Variants in CALU observed in about 807,000 individuals in gnomAD.
CALU encodes calumenin.
CALU carries 13 observed loss-of-function variants against 37.5 expected under a neutral mutation model. The observed-to-expected ratio is 0.35, with a 90% CI of 0.23 to 0.55. The LOEUF is 0.55. CALU is among the 20% of genes least tolerant of loss of function. The pLI, the probability that CALU is intolerant of heterozygous loss-of-function variation, is 0.89. For synonymous variants in CALU, 114 were observed against 133.8 expected, an observed-to-expected ratio of 0.85 and a Z score of 1.02; for missense variants, 282 against 391.7, an observed-to-expected ratio of 0.72 and a Z score of 2.36.
In CALU at chr7:128,758,990, T is replaced by C; in HGVS notation, c.535T>C (p.Phe179Leu). ...TGCCACCAAGGAGGAGTTCACAGCT[T>C]TCCTGCACCCTGAGGAGTATGACTA... The part of the protein sequence containing the change: ...LIATKEEFTA[F>L]LHPEEYDYMK... The change falls in exon 4 of 7, where the codon TTC becomes CTC. Residue 179 changes from phenylalanine (F) to leucine (L), a missense_variant. Phe to Leu is a conservative substitution (Grantham distance 22). Transcript: ENST00000249364. The C allele has an allele frequency of 2.5e-6, 4 of 1,614,042 alleles. No individual in the cohort carries two copies. Among genetic ancestry groups the C allele is most frequent in the Non-Finnish European group, 3.4e-6 (4 of 1,179,954 alleles).
At chr7:128,749,028 T>G (rs2128878593) in intron 2 of CALU, among the ~76,000 whole-genome samples, 1 of 152,368 alleles carries the variant, frequency 6.6e-6, no homozygotes, top group East Asian at 1.9e-4. Context: ...AGCATCATTT[T>G]TGCATAAAAG....
intron 1 of CALU, chr7:128,748,274 T>C (rs1220209490): frequency 1.0e-6 from 1 of 977,778 alleles, no homozygotes. Flanking sequence ...GCAAAAGGAT[T>C]AAAATTCTAC....
intron 5 of CALU, among the ~76,000 whole-genome samples, chr7:128,760,776 C>T (rs1266495893): frequency 6.6e-6 from 1 of 152,172 alleles, no homozygotes; most frequent in Non-Finnish European, 1.5e-5. Context: ...GGTGTAGTGG[C>T]AGGCGCCTGT....
intron 1 of CALU, among the ~76,000 whole-genome samples, chr7:128,740,181 C>T (rs974126159): frequency 2.0e-5 from 3 of 152,188 alleles, no homozygotes; most frequent in South Asian, 2.1e-4. Context: ...CGCGATTAAG[C>T]GTAGAGTGGC....
intron 2 of CALU, among the ~76,000 whole-genome samples, chr7:128,749,838 T>G (rs1800591260): frequency 6.6e-6 from 1 of 152,170 alleles, no homozygotes; most frequent in Admixed American, 6.5e-5. Context: ...TAGATATGCA[T>G]CACAGAGTTA....
chr7:128,754,443 G>A lies in CALU; in HGVS notation c.403G>A (p.Gly135Ser), dbSNP rs769613756. 1.1e-4 allele frequency: 182 copies of A among 1,612,944 alleles called. No individual in the cohort carries two copies. Among genetic ancestry groups the A allele is most frequent in the Non-Finnish European group, 1.4e-4 (165 of 1,179,588 alleles). Residue 135 changes from glycine (G) to serine (S), a missense_variant, in exon 3 of 7, where the codon GGC becomes AGC. Physicochemically the swap from Gly to Ser is moderately conservative, Grantham distance 56. Transcript: ENST00000249364. ...GGAGGAGTATAAAAATGCCACCTAC[G>A]GCTACGTTTTAGGTAGGTCCCTACT... The part of the protein sequence containing the change: ...SWEEYKNATY[G>S]YVLDDPDPDD...
Position 128,772,141 on chromosome 7 carries a change from C to G in CALU, c.*2974C>G, listed in dbSNP as rs1585026577. Among the ~76,000 whole-genome samples, 2 of 139,592 alleles carry G rather than the reference C, an allele frequency of 1.4e-5. No individual in the cohort carries two copies. Among genetic ancestry groups the G allele is most frequent in the African/African-American group, 5.4e-5 (2 of 37,260 alleles). The allele number at this position is 139,592 out of a possible 152,430, so 91.6% of individuals were successfully genotyped here. ...GTGTTTTCTTAAGTTTGTTCTAATT[C>G]AGCATATATCATCTCAGAATGGATC... On this transcript the variant is annotated 3_prime_UTR_variant, in exon 7 of 7. Transcript: ENST00000249364.
intron 1 of CALU, chr7:128,748,032 C>T (rs545666352): frequency 4.7e-6 from 1 of 214,220 alleles, no homozygotes; most frequent in South Asian, 1.3e-4. Context: ...CCAAGTATTT[C>T]GCTGGTTCCT....
intron 1 of CALU, among the ~76,000 whole-genome samples, chr7:128,741,992 A>T (rs573584999): frequency 1.9e-4 from 29 of 152,284 alleles, no homozygotes; most frequent in African/African-American, 7.0e-4. Context: ...CAGATTTTAC[A>T]CTTCTATTAT....
chr7:128,748,283 A>T, intron 1 of CALU: 3 of 1,033,972 alleles, frequency 2.9e-6, no homozygotes, highest in Non-Finnish European at 4.2e-6. Context: ...TTAAAATTCT[A>T]CTTTGGTATC....
At chr7:128,748,502 G>A (rs937997283) in intron 1 of CALU, 71 bp from the exon 2 acceptor site, 1 of 1,290,848 alleles carries the variant, frequency 7.7e-7, no homozygotes, top group South Asian at 1.3e-5. Flanking sequence ...ACTCGGATGT[G>A]AGCTTTTAAT....
In CALU at chr7:128,771,033, G is replaced by A. The variant is rs960689415; in HGVS notation, c.*1866G>A. On this transcript the variant is annotated 3_prime_UTR_variant, in exon 7 of 7. Transcript: ENST00000249364. Reference sequence around the variant, plus strand: ...CTTTTAAGTTTAGCCCCAATATAGGGTAATGGAAATTTCCTGCCCTCTGGG... The same window carrying A: ...CTTTTAAGTTTAGCCCCAATATAGGATAATGGAAATTTCCTGCCCTCTGGG... 6.6e-6 allele frequency: 1 copy of A among 152,514 alleles called. No homozygotes were observed. The highest frequency in any genetic ancestry group is 1.9e-4 in the East Asian group (1 of 5,188). The allele number at this position is 152,514 out of a possible 1,614,324, so 9.4% of individuals were successfully genotyped here. A position where few individuals can be genotyped will look rare whatever the true frequency, so the allele number is the denominator to read the frequency against.
At chr7:128,740,285 T>C (rs1236888645) in intron 1 of CALU, among the ~76,000 whole-genome samples, 1 of 152,230 alleles carries the variant, frequency 6.6e-6, no homozygotes, top group African/African-American at 2.4e-5. Flanking sequence ...CCTAAGTGTA[T>C]AAAATTCTAG....
rs151188778 is a variant in CALU at position 128,754,553 on chromosome 7, G to A, written c.415+98G>A. On this transcript the variant is annotated intron_variant, in intron 3 of 6. Coordinates refer to ENST00000249364, the MANE Select transcript of CALU (RefSeq NM_001219.5). Reference sequence around the variant, plus strand: ...GAATGATTGTAGATAAAATAGACGCGGATAAAGATGGGTTTGTGACGGAGG... The same window carrying A: ...GAATGATTGTAGATAAAATAGACGCAGATAAAGATGGGTTTGTGACGGAGG... 8.3e-4 allele frequency: 1,286 copies of A among 1,555,930 alleles called. 15 individuals carry two copies. In the East Asian group the frequency reaches 0.027, roughly 32 times the overall value.
intron 2 of CALU, 25 bp downstream of exon 2, chr7:128,748,829 T>G (rs900197208): frequency 1.4e-6 from 2 of 1,467,002 alleles, no homozygotes; most frequent in Non-Finnish European, 1.9e-6. Flanking sequence ...CTCAGGGGTC[T>G]AGTGTGGGTA....
intron 2 of CALU, among the ~76,000 whole-genome samples, chr7:128,750,235 A>G (rs1418930209): frequency 1.4e-5 from 2 of 142,940 alleles, no homozygotes; most frequent in East Asian, 2.0e-4. Flanking sequence ...AAAAAAAAAA[A>G]AAAAAGAAAA....
At chr7:128,750,220 CAAA>C (rs398006225) in intron 2 of CALU, among the ~76,000 whole-genome samples, 6 of 75,084 alleles carry the variant, frequency 8.0e-5, no homozygotes, top group Non-Finnish European at 8.2e-5. Flanking sequence ...AGAGCCATCT[CAAA>C]AAAAAAAAAA....
chr7:128,761,394 A>C (rs1181792236), intron 5 of CALU: 2 of 152,208 alleles, frequency 1.3e-5, no homozygotes, highest in Non-Finnish European at 1.5e-5. Context: ...GGATCACTTG[A>C]GTCCAAGAGT....
intron 2 of CALU, among the ~76,000 whole-genome samples, chr7:128,749,218 C>T (rs1245139415): frequency 2.0e-5 from 3 of 152,238 alleles, no homozygotes; most frequent in Non-Finnish European, 2.9e-5. Context: ...CATTGGATCC[C>T]TATAAAGTTT....
Sources: allele counts gnomAD v4.1 joint callset (sites outside exome capture counted in the v4.1 genomes callset), GRCh38; gene constraint gnomAD v4.1.1; transcripts MANE v1.5; gene names NCBI Gene and HGNC (gene_info 2026-07-23, HGNC 2026-07-21).